The following FBXL13 variants were observed in gnomAD, a reference collection of about 807,000 sequenced individuals.
FBXL13 encodes the protein F-box and leucine rich repeat protein 13.
In FBXL13, 67 loss-of-function variants were observed where a neutral mutation model predicts 83.6. That is an observed-to-expected ratio of 0.80 (90% CI 0.66 to 0.98). The LOEUF (loss-of-function observed/expected upper bound fraction) is 0.98. FBXL13 is among the 50% of genes least tolerant of loss of function. The pLI is 0.00. For synonymous variants in FBXL13, 272 were observed against 299.5 expected, an observed-to-expected ratio of 0.91 and a Z score of 0.95; for missense variants, 822 against 866.5, an observed-to-expected ratio of 0.95 and a Z score of 0.64.
At chr7:102,834,430 G>A (rs1436706316) in intron 17 of FBXL13, among the ~76,000 whole-genome samples, 1 of 139,878 alleles carries the variant, frequency 7.1e-6, no homozygotes, top group Non-Finnish European at 1.5e-5. Flanking sequence ...ATATATGTGT[G>A]ATTATATATA....
intron 6 of FBXL13, among the ~76,000 whole-genome samples, chr7:102,975,640 C>T (rs1250790735): frequency 2.6e-5 from 4 of 152,202 alleles, no homozygotes; most frequent in Admixed American, 2.0e-4. Context: ...TTTTATCTCT[C>T]GTTTAACTGA....
At chr7:102,938,228 C>G (rs1346928766) in intron 8 of FBXL13, among the ~76,000 whole-genome samples, 1 of 152,128 alleles carries the variant, frequency 6.6e-6, no homozygotes, top group Non-Finnish European at 1.5e-5. Flanking sequence ...AATAGTTTAC[C>G]ATTTTTAAGG....
chr7:102,956,941 T>C (rs1269402449), intron 8 of FBXL13, among the ~76,000 whole-genome samples: 2 of 152,124 alleles, frequency 1.3e-5, no homozygotes, highest in Admixed American at 6.5e-5. Flanking sequence ...ATCAATATCA[T>C]GAAAATGGCC....
intron 18 of FBXL13, among the ~76,000 whole-genome samples, chr7:102,831,808 T>G (rs1490493683): frequency 6.6e-6 from 1 of 152,166 alleles, no homozygotes; most frequent in African/African-American, 2.4e-5. Context: ...TCTCCTCTCC[T>G]GTTTTCCTTA....
At chr7:102,963,416 G>T in intron 8 of FBXL13, 117 bp downstream of exon 9, 1 of 1,180,338 alleles carries the variant, frequency 8.5e-7, no homozygotes, top group East Asian at 2.5e-5. Flanking sequence ...GTTATAATTG[G>T]TATCCTTATG....
intron 11 of FBXL13, among the ~76,000 whole-genome samples, chr7:102,912,671 AC>A (rs3832498): frequency 0.2 from 14,953 of 73,292 alleles, 1,094 homozygotes; most frequent in East Asian, 0.4. Flanking sequence ...ATAGCATTTT[AC>A]CCCCCCCCCC....
chr7:102,883,438 T>C, exon 14 of FBXL13: 2 of 1,613,100 alleles, frequency 1.2e-6, no homozygotes, highest in Non-Finnish European at 1.7e-6. Context: ...TCTATAAATT[T>C]GAAGGATGCA....
At chr7:102,910,259 C>T (rs1209896783) in intron 11 of FBXL13, among the ~76,000 whole-genome samples, 1 of 152,176 alleles carries the variant, frequency 6.6e-6, no homozygotes, top group African/African-American at 2.4e-5. Context: ...GGAGGGGTGG[C>T]ACTGGCGATT....
intron 6 of FBXL13, among the ~76,000 whole-genome samples, chr7:102,971,073 CT>C (rs1187340485): frequency 6.6e-6 from 1 of 152,142 alleles, no homozygotes; most frequent in Non-Finnish European, 1.5e-5. Flanking sequence ...AAAGGCAACA[CT>C]TTTCAGATTC....
rs1479584313 is a variant in FBXL13 at position 102,962,987 on chromosome 7, ATAT to A, written c.724+543_724+545del. Among the ~76,000 whole-genome samples the A allele has an allele frequency of 4.2e-4, 35 of 83,984 alleles. 1 individual carries two copies. Among genetic ancestry groups the A allele is most frequent in the Middle Eastern group, 6.9e-3 (1 of 144 alleles). 55.1% of individuals were successfully genotyped at this position (83,984 alleles called of 152,430 possible). ...CCCTAAAACTTAAAGGATAATAAAA[ATAT>A]ATATATATATATATATAAAAAAAAA... On this transcript the variant is annotated intron_variant, in intron 8 of 19. Transcript: ENST00000313221.
At chr7:102,884,065 G>A (rs1810464029) in intron 12 of FBXL13, 149 bp downstream of exon 13, 2 of 615,580 alleles carry the variant, frequency 3.2e-6, no homozygotes, top group African/African-American at 3.7e-5. Context: ...TCAAGGGTAT[G>A]TGCATGTGTG....
At chr7:102,971,136 A>G (rs1826601012) in intron 6 of FBXL13, among the ~76,000 whole-genome samples, 1 of 152,268 alleles carries the variant, frequency 6.6e-6, no homozygotes, top group Non-Finnish European at 1.5e-5. Context: ...CAATGGCATT[A>G]TAAGTGAAAC....
intron 11 of FBXL13, among the ~76,000 whole-genome samples, chr7:102,903,949 T>TTTC (rs1563068263): frequency 1.4e-5 from 2 of 141,292 alleles, no homozygotes; most frequent in African/African-American, 5.5e-5. Flanking sequence ...CTTTTTTTTT[T>TTTC]TTTTTTTTTT....
rs751436609 is a variant in FBXL13, at chr7:103,028,771, A to T, written c.69-23T>A. The T allele has an allele frequency of 7.5e-5, 115 of 1,526,934 alleles. No individual in the cohort carries two copies. The East Asian group carries it at 9.3e-4, about 12-fold the overall frequency. The allele number at this position is 1,526,934 out of a possible 1,614,324, so 94.6% of individuals were successfully genotyped here. A position where few individuals can be genotyped will look rare whatever the true frequency, so the allele number is the denominator to read the frequency against. On this transcript the variant is annotated intron_variant, in intron 3 of 19. Coordinates refer to ENST00000313221, the Ensembl canonical transcript of FBXL13. ...GTGCTGCAGGCAGAAGACATTTTTT[A>T]AAAAATAATATTTTGATATTAGGGC...
At chr7:103,043,489 G>A (rs1482040919) in intron 2 of FBXL13, among the ~76,000 whole-genome samples, 1 of 152,154 alleles carries the variant, frequency 6.6e-6, no homozygotes, top group Non-Finnish European at 1.5e-5. Context: ...ATACCCAAAG[G>A]ATTATAAGTC....
chr7:102,862,837 C>T (rs1807064016), intron 16 of FBXL13, among the ~76,000 whole-genome samples: 1 of 152,176 alleles, frequency 6.6e-6, no homozygotes, highest in South Asian at 2.1e-4. Flanking sequence ...TCTGGATGTT[C>T]GTTTTCAGTT....
intron 16 of FBXL13, among the ~76,000 whole-genome samples, chr7:102,862,583 AACAAACCATCAGC>A (rs1807030944): frequency 6.6e-6 from 1 of 152,178 alleles, no homozygotes; most frequent in African/African-American, 2.4e-5. Flanking sequence ...TTCTATTCTA[AACAAACCATCAGC>A]ACAAATGTGC....
At chr7:102,919,756 G>C (rs1250677127) in intron 10 of FBXL13, among the ~76,000 whole-genome samples, 1 of 152,140 alleles carries the variant, frequency 6.6e-6, no homozygotes, top group Non-Finnish European at 1.5e-5. Context: ...TATCCTCCAA[G>C]ATAATAGTCA....
chr7:102,846,552 G>A (rs914593332), intron 17 of FBXL13, among the ~76,000 whole-genome samples: 1 of 150,184 alleles, frequency 6.7e-6, no homozygotes, highest in African/African-American at 2.5e-5. Flanking sequence ...CCGGAAGGAG[G>A]TTGCAGTGAG....
Sources: gnomAD v4.1 joint callset for allele counts (sites outside exome capture counted in the v4.1 genomes callset) on GRCh38, gnomAD v4.1.1 for gene constraint, MANE v1.5 for transcripts, NCBI Gene and HGNC (gene_info 2026-07-23, HGNC 2026-07-21) for gene names.